Variants in DNAL1 observed in about 807,000 individuals in gnomAD.
DNAL1 encodes the protein chromosome 14 open reading frame 168.
Under a neutral mutation model 29.4 loss-of-function variants are expected in DNAL1, and 17 were observed. The observed-to-expected ratio is 0.58, with a 90% CI of 0.40 to 0.87. The LOEUF (loss-of-function observed/expected upper bound fraction) is 0.87. DNAL1 is among the 40% of genes least tolerant of loss of function. DNAL1 has a pLI of 0.00. For synonymous variants in DNAL1, 78 were observed against 76.3 expected (o/e 1.02, Z -0.12); for missense variants, 188 against 214.1 (o/e 0.88, Z 0.76).
chr14:73,646,022 G>A (rs1250430162), intron 1 of DNAL1, among the ~76,000 whole-genome samples: 2 of 152,166 alleles, frequency 1.3e-5, no homozygotes, highest in South Asian at 2.1e-4. Context: ...GAAATGATGA[G>A]GAAGTCATGC....
intron 7 of DNAL1, among the ~76,000 whole-genome samples, chr14:73,693,325 A>G (rs1008647431): frequency 6.6e-6 from 1 of 152,178 alleles, no homozygotes; most frequent in East Asian, 1.9e-4. Context: ...TCCTAACTAC[A>G]TACCCCAAAG....
chr14:73,678,641 A>T (rs920273502), intron 5 of DNAL1, among the ~76,000 whole-genome samples: 1 of 151,718 alleles, frequency 6.6e-6, no homozygotes, highest in African/African-American at 2.4e-5. Flanking sequence ...ACAATATTCA[A>T]TGTGTATTTC....
intron 5 of DNAL1, among the ~76,000 whole-genome samples, chr14:73,680,954 T>A (rs922046726): frequency 2.0e-5 from 3 of 152,088 alleles, no homozygotes; most frequent in Non-Finnish European, 2.9e-5. Context: ...CAGTGTAAAA[T>A]ATAAGAAATG....
At chr14:73,654,821 T>C in intron 1 of DNAL1, 26 bp from the exon 2 acceptor site, 1 of 1,508,414 alleles carries the variant, frequency 6.6e-7, no homozygotes, top group Non-Finnish European at 8.8e-7. Context: ...TGTTTTTTCT[T>C]TTCTTTCTTT....
chr14:73,685,719 C>T (rs1004656475), intron 5 of DNAL1, among the ~76,000 whole-genome samples: 6 of 152,140 alleles, frequency 3.9e-5, no homozygotes, highest in Non-Finnish European at 8.8e-5. Context: ...GCCTTGGCTT[C>T]CCAAAGTATT....
intron 5 of DNAL1, among the ~76,000 whole-genome samples, chr14:73,673,874 G>C (rs1467467918): frequency 9.7e-6 from 1 of 103,200 alleles, no homozygotes; most frequent in Non-Finnish European, 1.9e-5. Context: ...ATGCAGTCTG[G>C]GTGACAGAGG....
chr14:73,702,699 A>G lies in DNAL1; in HGVS notation c.*6757A>G, dbSNP rs891229304. 2.6e-5 allele frequency: 4 copies of G among 152,148 alleles called. No homozygotes were observed. Among genetic ancestry groups the G allele is most frequent in the African/African-American group, 9.7e-5 (4 of 41,424 alleles). The allele number at this position is 152,148 out of a possible 1,614,324, so 9.4% of individuals were successfully genotyped here. The stretch of plus-strand genomic sequence containing the variant: ...CCAAGCAATATCCGTAACATTACAC[A>G]TTTTGCCAGCACATTTTCTATGCTA... On this transcript the variant is annotated 3_prime_UTR_variant, in exon 8 of 8. Coordinates refer to ENST00000553645, the MANE Select transcript of DNAL1 (RefSeq NM_031427.4).
chr14:73,687,834 C>T (rs1484789171), intron 6 of DNAL1, among the ~76,000 whole-genome samples: 1 of 152,164 alleles, frequency 6.6e-6, no homozygotes, highest in Non-Finnish European at 1.5e-5. Context: ...GATCGCGCCG[C>T]TGCACTCCAG....
chr14:73,675,884 G>A (rs949473465), intron 5 of DNAL1, among the ~76,000 whole-genome samples: 1 of 151,836 alleles, frequency 6.6e-6, no homozygotes, highest in East Asian at 1.9e-4. Flanking sequence ...GCCTGGTGGC[G>A]CGTGCCTGTA....
At chr14:73,695,048 C>CTTTT (rs71112798) in intron 7 of DNAL1, among the ~76,000 whole-genome samples, 1,119 of 60,894 alleles carry the variant, frequency 0.018, 76 homozygotes, top group African/African-American at 0.024. Context: ...TACTTGTTGG[C>CTTTT]TTTTTTTTTT....
intron 4 of DNAL1, among the ~76,000 whole-genome samples, chr14:73,664,723 T>C (rs895915584): frequency 1.3e-4 from 19 of 151,994 alleles, no homozygotes; most frequent in African/African-American, 4.3e-4. Context: ...TTTTAAAAAT[T>C]ATCTGGGCAT....
chr14:73,669,650 G>A (rs62004921), intron 4 of DNAL1, among the ~76,000 whole-genome samples: 34,304 of 151,698 alleles, frequency 0.23, 5,047 homozygotes, highest in Non-Finnish European at 0.33. Context: ...GGCTGGTCTC[G>A]AACTTCTGGC....
At chr14:73,655,520 T>A (rs7155048) in intron 2 of DNAL1, among the ~76,000 whole-genome samples, 33,510 of 151,608 alleles carry the variant, frequency 0.22, 4,969 homozygotes, top group Non-Finnish European at 0.33. Flanking sequence ...ATTTTTTTTG[T>A]ATTTTTAGTA....
At chr14:73,691,942 C>T (rs979570342) in intron 7 of DNAL1, among the ~76,000 whole-genome samples, 6 of 150,732 alleles carry the variant, frequency 4.0e-5, no homozygotes, top group African/African-American at 1.2e-4. Flanking sequence ...GTGATCCGCC[C>T]GCCTTGGCCT....
intron 7 of DNAL1, among the ~76,000 whole-genome samples, chr14:73,693,099 G>T (rs1420152529): frequency 6.6e-6 from 1 of 152,130 alleles, no homozygotes; most frequent in Non-Finnish European, 1.5e-5. Context: ...CTCCCTAAGT[G>T]CTGGAATTAC....
intron 5 of DNAL1, among the ~76,000 whole-genome samples, chr14:73,676,984 T>TAA (rs1555402311): frequency 6.8e-6 from 1 of 147,416 alleles, no homozygotes; most frequent in Non-Finnish European, 1.5e-5. Context: ...TTTTTTTTTT[T>TAA]AATTGAGATG....
At chr14:73,677,885 TG>T (rs1390376286) in intron 5 of DNAL1, among the ~76,000 whole-genome samples, 698 of 15,652 alleles carry the variant, frequency 0.045, 7 homozygotes, top group African/African-American at 0.13. Context: ...TATATATATT[TG>T]TGTGTGTGTG....
At chr14:73,683,684 T>TTTATTTA (rs1566889457) in intron 5 of DNAL1, among the ~76,000 whole-genome samples, 254 of 150,316 alleles carry the variant, frequency 1.7e-3, no homozygotes, top group African/African-American at 6.1e-3. Context: ...GATCAGCTTT[T>TTTATTTA]TTTATTTATT....
rs1345162371 is a variant in DNAL1, at chr14:73,701,473, G to A, written c.*5531G>A. The A allele has an allele frequency of 6.6e-6, 1 of 152,206 alleles. No homozygotes were observed. Among genetic ancestry groups the A allele is most frequent in the Admixed American group, 6.5e-5 (1 of 15,286 alleles). 9.4% of individuals were successfully genotyped at this position (152,206 alleles called of 1,614,324 possible). A position where few individuals can be genotyped will look rare whatever the true frequency, so the allele number is the denominator to read the frequency against. ...TGTTACATCCAAGATCATCCCTCTG[G>A]GGGATGTGTCAAGTAGTTCTCCTAC... On this transcript the variant is annotated 3_prime_UTR_variant, in exon 8 of 8. Coordinates refer to ENST00000553645, the MANE Select transcript of DNAL1 (RefSeq NM_031427.4).
Sources: allele counts gnomAD v4.1 joint callset (sites outside exome capture counted in the v4.1 genomes callset), GRCh38; gene constraint gnomAD v4.1.1; transcripts MANE v1.5; gene names NCBI Gene and HGNC (gene_info 2026-07-23, HGNC 2026-07-21).